GNAQ: variants seen among roughly 807,000 people sequenced by gnomAD.
GNAQ encodes guanine nucleotide-binding protein G(q) subunit alpha.
GNAQ carries 8 observed loss-of-function variants against 43.9 expected under a neutral mutation model. That is an observed-to-expected ratio of 0.18 (90% CI 0.11 to 0.33). GNAQ has a LOEUF of 0.33. Among genes scored for constraint, GNAQ ranks in the 10% least tolerant of loss-of-function variants. The probability of loss-of-function intolerance (pLI) is 1.00; values close to 1 mark genes in which losing one functional copy is unlikely to be tolerated. For synonymous variants in GNAQ, 155 were observed against 170.7 expected (o/e 0.91, Z 0.71); for missense variants, 158 against 450.8 (o/e 0.35, Z 5.88).
At chr9:77,768,927 T>C (rs1309187471) in intron 5 of GNAQ, among the ~76,000 whole-genome samples, 1 of 152,188 alleles carries the variant, frequency 6.6e-6, no homozygotes, top group African/African-American at 2.4e-5. Flanking sequence ...ATAAACTCAC[T>C]CTGATAACAA....
chr9:77,981,647 A>T (rs372061121), intron 1 of GNAQ, among the ~76,000 whole-genome samples: 1 of 152,272 alleles, frequency 6.6e-6, no homozygotes, highest in Non-Finnish European at 1.5e-5. Context: ...TAAAATACTT[A>T]TCCCTTTTGA....
chr9:77,915,699 T>TA (rs919919832), intron 2 of GNAQ, among the ~76,000 whole-genome samples: 5 of 152,260 alleles, frequency 3.3e-5, no homozygotes, highest in African/African-American at 9.6e-5. Flanking sequence ...ATTCAATCCT[T>TA]AGAGTCAAAT....
chr9:77,844,826 C>T (rs1827552390), intron 2 of GNAQ, among the ~76,000 whole-genome samples: 1 of 148,718 alleles, frequency 6.7e-6, no homozygotes, highest in African/African-American at 2.5e-5. Context: ...GTGCCTGCCA[C>T]CATGCCCAGC....
intron 1 of GNAQ, chr9:78,030,401 G>T: frequency 2.5e-6 from 1 of 404,532 alleles, no homozygotes; most frequent in Non-Finnish European, 5.3e-6. Flanking sequence ...CCCTCCTTTC[G>T]ATGGTCTGGT....
rs191253377 is a variant in GNAQ, at chr9:77,739,988, C to T, written c.736-11321G>A. ...AATAAACCAACAAAGCACACATCAGCGCATCAGACAGAATCTGAACAAATT... is the reference window on the plus strand; with the variant it reads ...AATAAACCAACAAAGCACACATCAGTGCATCAGACAGAATCTGAACAAATT... On this transcript the variant is annotated intron_variant, in intron 5 of 6. Transcript: ENST00000286548. Among the ~76,000 whole-genome samples the T allele has an allele frequency of 7.8e-3, 1,182 of 152,264 alleles. 10 individuals carry two copies. Among genetic ancestry groups the T allele is most frequent in the Non-Finnish European group, 0.012 (818 of 68,008 alleles).
rs190802372 is a variant in GNAQ, at chr9:77,869,545, T to C, written c.321+52616A>G. Among the ~76,000 whole-genome samples the C allele has an allele frequency of 5.3e-5, 8 of 152,300 alleles. No individual in the cohort carries two copies. In the East Asian group the frequency reaches 1.3e-3, roughly 26 times the overall value. ...AACAACCATATTTGCTATATATAAA[T>C]GTAAAGAGGACAGGAATGAGACCTT... is the stretch of plus-strand genomic sequence containing the variant. On this transcript the variant is annotated intron_variant, in intron 2 of 6. Coordinates refer to ENST00000286548, the MANE Select transcript of GNAQ (RefSeq NM_002072.5).
chr9:77,875,646 C>A (rs2118044464), intron 2 of GNAQ, among the ~76,000 whole-genome samples: 1 of 152,322 alleles, frequency 6.6e-6, no homozygotes, highest in African/African-American at 2.4e-5. Flanking sequence ...GTTGGTCGCC[C>A]TTTTCCTGGA....
intron 2 of GNAQ, among the ~76,000 whole-genome samples, chr9:77,823,293 G>T (rs1245322716): frequency 6.6e-6 from 1 of 151,990 alleles, no homozygotes; most frequent in African/African-American, 2.4e-5. Flanking sequence ...ACAAGGCCTG[G>T]TTTTTTTGTA....
At chr9:78,019,389 G>A (rs1006921906) in intron 1 of GNAQ, among the ~76,000 whole-genome samples, 2 of 152,188 alleles carry the variant, frequency 1.3e-5, no homozygotes, top group Non-Finnish European at 2.9e-5. Flanking sequence ...AAGACAGCAA[G>A]AACCTTCCAC....
At chr9:77,775,477 T>C (rs1269951863) in intron 5 of GNAQ, among the ~76,000 whole-genome samples, 1 of 149,142 alleles carries the variant, frequency 6.7e-6, no homozygotes, top group Non-Finnish European at 1.5e-5. Flanking sequence ...TGGCGTGATA[T>C]CAGCTCACTG....
chr9:77,919,461 A>G (rs529555293), intron 2 of GNAQ, among the ~76,000 whole-genome samples: 9 of 152,244 alleles, frequency 5.9e-5, no homozygotes, highest in African/African-American at 2.2e-4. Flanking sequence ...ACTTAGCACT[A>G]TGAGGGGCTG....
chr9:77,925,961 T>C (rs1381897848), intron 1 of GNAQ, among the ~76,000 whole-genome samples: 1 of 152,212 alleles, frequency 6.6e-6, no homozygotes, highest in African/African-American at 2.4e-5. Flanking sequence ...GTAAATGCTA[T>C]GTAAATAGTT....
At chr9:77,864,766 C>A (rs368911482) in intron 2 of GNAQ, among the ~76,000 whole-genome samples, 1 of 152,182 alleles carries the variant, frequency 6.6e-6, no homozygotes, top group African/African-American at 2.4e-5. Context: ...TGTGGTAATA[C>A]GTTACAGCAG....
At chr9:77,786,341 G>GT (rs1826478606) in intron 5 of GNAQ, among the ~76,000 whole-genome samples, 2 of 146,784 alleles carry the variant, frequency 1.4e-5, no homozygotes. Flanking sequence ...TGGTGACAGA[G>GT]TGAGACTCTG....
intron 1 of GNAQ, among the ~76,000 whole-genome samples, chr9:77,971,532 A>T (rs1823236522): frequency 6.6e-6 from 1 of 152,230 alleles, no homozygotes. Context: ...CAAAAACCAC[A>T]TGATCGTCTC....
chr9:77,911,148 C>T (rs1828795389), intron 2 of GNAQ, among the ~76,000 whole-genome samples: 1 of 152,178 alleles, frequency 6.6e-6, no homozygotes, highest in Admixed American at 6.6e-5. Context: ...GGAAGCTGTG[C>T]ATGAGCTGAA....
intron 2 of GNAQ, among the ~76,000 whole-genome samples, chr9:77,915,507 T>C (rs1828885545): frequency 6.6e-6 from 1 of 152,172 alleles, no homozygotes; most frequent in Admixed American, 6.6e-5. Context: ...ATTCCTCTTA[T>C]AACTTCAAAA....
chr9:78,029,082 T>C (rs1192806069), intron 1 of GNAQ, among the ~76,000 whole-genome samples: 1 of 152,210 alleles, frequency 6.6e-6, no homozygotes, highest in African/African-American at 2.4e-5. Flanking sequence ...CAGTGTTATT[T>C]AAATACACAG....
At chr9:77,981,050 A>G (rs1010623415) in intron 1 of GNAQ, among the ~76,000 whole-genome samples, 2 of 152,240 alleles carry the variant, frequency 1.3e-5, no homozygotes, top group South Asian at 4.1e-4. Context: ...TTCTATTAGA[A>G]AGTGAGTGGT....
Sources: gnomAD v4.1 joint callset for allele counts (sites outside exome capture counted in the v4.1 genomes callset) on GRCh38, gnomAD v4.1.1 for gene constraint, MANE v1.5 for transcripts, NCBI Gene and HGNC (gene_info 2026-07-23, HGNC 2026-07-21) for gene names.